The following ITGB6 variants were observed in gnomAD, a reference collection of about 807,000 sequenced individuals.
ITGB6 encodes the protein integrin subunit beta 6, also known as integrin beta-6.
In ITGB6, 80 loss-of-function variants were observed where a neutral mutation model predicts 84.5. The ratio of observed to expected loss-of-function variants is 0.95; its 90% confidence interval spans 0.79 to 1.14. The LOEUF is 1.14. ITGB6 is among the 50% of genes most tolerant of loss of function. The probability of loss-of-function intolerance (pLI) is 0.00; values close to 1 mark genes in which losing one functional copy is unlikely to be tolerated. For missense variants in ITGB6, 1,006 were observed against 968.0 expected, an observed-to-expected ratio of 1.04 and a Z score of -0.52; for synonymous variants, 383 against 354.9, an observed-to-expected ratio of 1.08 and a Z score of -0.89.
chr2:160,199,322 T>C lies in ITGB6; in HGVS notation c.62-64A>G, dbSNP rs112968331. On this transcript the variant is annotated intron_variant, in intron 1 of 14. Transcript: ENST00000283249. ...CTTTCAGTCATTCCATTTATGAGAC[T>C]GATGGCTCTTACATTACTTGAACAA... 176 of 1,206,072 alleles carry C rather than the reference T, an allele frequency of 1.5e-4. 1 individual carries two copies. The African/African-American group carries it at 1.9e-3, about 13-fold the overall frequency. 74.7% of individuals were successfully genotyped at this position (1,206,072 alleles called of 1,614,324 possible). A position where few individuals can be genotyped will look rare whatever the true frequency, so the allele number is the denominator to read the frequency against.
chr2:160,182,759 ACG>A (rs1685734907), intron 4 of ITGB6, among the ~76,000 whole-genome samples: 1 of 152,240 alleles, frequency 6.6e-6, no homozygotes, highest in Non-Finnish European at 1.5e-5. Context: ...TGGGTTACCC[ACG>A]AAGAGAAGCC....
intron 7 of ITGB6, among the ~76,000 whole-genome samples, chr2:160,143,699 TATTTA>T (rs1327407092): frequency 3.9e-5 from 6 of 152,228 alleles, no homozygotes; most frequent in Non-Finnish European, 8.8e-5. Context: ...TATTCTATCT[TATTTA>T]AAGAAGATTT....
chr2:160,173,991 G>A lies in ITGB6; in HGVS notation c.742C>T (p.Gln248Ter), dbSNP rs369609347. ...TPEGGFDAIM[Q>*]AAVCKEKIGW... is the part of the protein sequence containing the mutation. ...CAGCATACCTTACACACAGCAGCTT[G>A]CATAATTGCATCAAATCCACCTTCG... is the stretch of plus-strand genomic sequence containing the variant. Residue 248 changes from glutamine (Q) to a stop codon, truncating the protein, a stop_gained, in exon 5 of 15, where the codon CAA becomes TAA. Transcript: ENST00000283249. LOFTEE classifies it high-confidence loss of function. 25 of 1,613,524 alleles carry A rather than the reference G, an allele frequency of 1.5e-5. No individual in the cohort carries two copies. The highest frequency in any genetic ancestry group is 3.4e-6 in the Non-Finnish European group (4 of 1,179,884).
At chr2:160,178,419 C>G (rs1030303470) in intron 4 of ITGB6, among the ~76,000 whole-genome samples, 1 of 152,200 alleles carries the variant, frequency 6.6e-6, no homozygotes, top group African/African-American at 2.4e-5. Context: ...TCTTCCAGAT[C>G]CACAGAGGTA....
At chr2:160,181,210 A>G (rs34153167) in intron 4 of ITGB6, among the ~76,000 whole-genome samples, 11,072 of 152,206 alleles carry the variant, frequency 0.073, 472 homozygotes, top group Middle Eastern at 0.18. Flanking sequence ...TCCCACTCTC[A>G]TGGAGCCCAG....
intron 12 of ITGB6, among the ~76,000 whole-genome samples, chr2:160,117,291 G>T (rs576902569): frequency 2.0e-5 from 3 of 152,100 alleles, no homozygotes; most frequent in East Asian, 1.9e-4. Flanking sequence ...AAATGTAAAA[G>T]AACAGAAATT....
chr2:160,157,959 G>A (rs1382937991), intron 7 of ITGB6, among the ~76,000 whole-genome samples: 2 of 152,020 alleles, frequency 1.3e-5, no homozygotes, highest in Non-Finnish European at 2.9e-5. Context: ...TTATTCTGCT[G>A]GTTCTCACGT....
At chr2:160,104,311 CAGG>C (rs1468946965) in intron 14 of ITGB6, among the ~76,000 whole-genome samples, 2 of 152,158 alleles carry the variant, frequency 1.3e-5, no homozygotes, top group Non-Finnish European at 2.9e-5. Flanking sequence ...GGTTTTGTTC[CAGG>C]AGGAGGTGTG....
intron 12 of ITGB6, among the ~76,000 whole-genome samples, chr2:160,120,902 G>A (rs1332668807): frequency 4.2e-5 from 6 of 142,480 alleles, no homozygotes; most frequent in Non-Finnish European, 7.6e-5. Flanking sequence ...CACACTTCAG[G>A]GACCGTTGTG....
At chr2:160,157,405 A>G (rs1559169167) in intron 7 of ITGB6, among the ~76,000 whole-genome samples, 1 of 152,164 alleles carries the variant, frequency 6.6e-6, no homozygotes, top group Non-Finnish European at 1.5e-5. Flanking sequence ...TACCTTGCCC[A>G]GTCACAGATG....
At chr2:160,166,806 G>A (rs760546848) in intron 7 of ITGB6, among the ~76,000 whole-genome samples, 7 of 152,146 alleles carry the variant, frequency 4.6e-5, no homozygotes, top group Non-Finnish European at 2.9e-5. Context: ...ATACTGAACT[G>A]AAGCAAAACT....
chr2:160,145,325 T>C (rs1470593281), intron 7 of ITGB6, among the ~76,000 whole-genome samples: 1 of 152,204 alleles, frequency 6.6e-6, no homozygotes, highest in African/African-American at 2.4e-5. Context: ...AACCGAATTA[T>C]GGATTTTCCC....
At chr2:160,126,856 A>G (rs1683265274) in intron 10 of ITGB6, among the ~76,000 whole-genome samples, 1 of 152,216 alleles carries the variant, frequency 6.6e-6, no homozygotes, top group South Asian at 2.1e-4. Flanking sequence ...TGTAAACCAT[A>G]AATAAAAATA....
rs61758144 is a variant in ITGB6 at position 160,195,521 on chromosome 2, G to A, written c.441C>T (p.Asp147=). ...CCAGCTCCTTTATTGTGTTGAGGTCGTCATCCATGGAGGCGGAGAGGTCCA... is the reference window on the plus strand; with the variant it reads ...CCAGCTCCTTTATTGTGTTGAGGTCATCATCCATGGAGGCGGAGAGGTCCA... ...YLMDLSASMD[D]DLNTIKELGS... The change falls in exon 4 of 15, where the codon GAC becomes GAT. Residue 147 remains aspartate (D), a synonymous_variant. Transcript: ENST00000283249. 225 of 1,614,112 alleles carry A rather than the reference G, an allele frequency of 1.4e-4. No individual in the cohort carries two copies. Among genetic ancestry groups the A allele is most frequent in the Non-Finnish European group, 1.8e-4 (208 of 1,180,008 alleles).
At chr2:160,135,610 A>G (rs1443379006) in intron 10 of ITGB6, among the ~76,000 whole-genome samples, 1 of 151,804 alleles carries the variant, frequency 6.6e-6, no homozygotes, top group Non-Finnish European at 1.5e-5. Flanking sequence ...ATCCTAAGCC[A>G]AAAGAACAAA....
intron 6 of ITGB6, among the ~76,000 whole-genome samples, chr2:160,170,024 T>A (rs546572389): frequency 6.6e-6 from 1 of 152,374 alleles, no homozygotes; most frequent in South Asian, 2.1e-4. Context: ...GAAAATATTA[T>A]GTGGCATTTG....
intron 7 of ITGB6, among the ~76,000 whole-genome samples, chr2:160,166,679 G>A (rs1425808925): frequency 6.6e-6 from 1 of 152,166 alleles, no homozygotes; most frequent in Non-Finnish European, 1.5e-5. Flanking sequence ...CCACTGCTCA[G>A]TCTATTATCA....
At chr2:160,148,719 C>T (rs1684290723) in intron 7 of ITGB6, among the ~76,000 whole-genome samples, 1 of 152,194 alleles carries the variant, frequency 6.6e-6, no homozygotes, top group South Asian at 2.1e-4. Flanking sequence ...TGACAGACTA[C>T]CTGGAAAAAC....
At chr2:160,129,749 G>A (rs1457379645) in intron 10 of ITGB6, among the ~76,000 whole-genome samples, 1 of 152,156 alleles carries the variant, frequency 6.6e-6, no homozygotes, top group Non-Finnish European at 1.5e-5. Context: ...GGTCTAGTAA[G>A]TGGCTTACTT....
Sources: allele counts gnomAD v4.1 joint callset (sites outside exome capture counted in the v4.1 genomes callset), GRCh38; gene constraint gnomAD v4.1.1; transcripts MANE v1.5; gene names NCBI Gene and HGNC (gene_info 2026-07-23, HGNC 2026-07-21).